Variants in GRIK4 observed in about 807,000 individuals in gnomAD.
GRIK4 encodes the protein glutamate receptor ionotropic, kainate 4.
A neutral mutation model predicts 104.9 loss-of-function variants in GRIK4; 40 were observed. That is an observed-to-expected ratio of 0.38 (90% confidence interval 0.30 to 0.50). The LOEUF is 0.50. Ranked by LOEUF, GRIK4 falls within the 20% of genes least tolerant of loss-of-function variation. The probability of loss-of-function intolerance (pLI) is 0.93; values close to 1 mark genes in which losing one functional copy is unlikely to be tolerated. For missense variants in GRIK4, 1,047 were observed against 1,308.1 expected, an observed-to-expected ratio of 0.80 and a Z score of 3.08; for synonymous variants, 485 against 524.9, an observed-to-expected ratio of 0.92 and a Z score of 1.04.
At chr11:120,692,333 G>C (rs759306475) in intron 3 of GRIK4, among the ~76,000 whole-genome samples, 1 of 152,204 alleles carries the variant, frequency 6.6e-6, no homozygotes, top group Non-Finnish European at 1.5e-5. Flanking sequence ...ACAGTTACTC[G>C]TTTAAAACCT....
At chr11:120,679,810 C>T (rs1227443061) in intron 3 of GRIK4, among the ~76,000 whole-genome samples, 4 of 152,192 alleles carry the variant, frequency 2.6e-5, no homozygotes, top group Non-Finnish European at 5.9e-5. Context: ...GCATGGGAAG[C>T]CTTCACAGGC....
chr11:120,959,094 T>A (rs1379920070), intron 16 of GRIK4, among the ~76,000 whole-genome samples: 1 of 152,208 alleles, frequency 6.6e-6, no homozygotes, highest in Non-Finnish European at 1.5e-5. Flanking sequence ...ATCCCTCTAG[T>A]CCTTTACAGA....
intron 3 of GRIK4, among the ~76,000 whole-genome samples, chr11:120,719,694 G>A (rs1950896547): frequency 6.6e-6 from 1 of 152,186 alleles, no homozygotes; most frequent in African/African-American, 2.4e-5. Flanking sequence ...CCACTGTAAA[G>A]AGGTATTTAA....
At chr11:120,612,614 T>C (rs747347134) in intron 1 of GRIK4, among the ~76,000 whole-genome samples, 2 of 152,190 alleles carry the variant, frequency 1.3e-5, no homozygotes, top group Admixed American at 6.5e-5. Context: ...CCATGACAGG[T>C]GGAAATCCAA....
At chr11:120,888,162 T>C (rs982034140) in intron 11 of GRIK4, among the ~76,000 whole-genome samples, 2 of 152,198 alleles carry the variant, frequency 1.3e-5, no homozygotes, top group African/African-American at 4.8e-5. Flanking sequence ...GGAACGCTTG[T>C]GGCAAATGCC....
At chr11:120,875,275 T>A in intron 11 of GRIK4, 32 bp downstream of exon 11, 1 of 1,305,016 alleles carries the variant, frequency 7.7e-7, no homozygotes, top group Non-Finnish European at 1.1e-6. Context: ...TGATGGCAGG[T>A]CCTCCTCTCT....
At position 120,838,567 on chromosome 11, in the gene GRIK4, T is replaced by C. The variant is rs150026298; in HGVS notation, c.744+1723T>C. Among the ~76,000 whole-genome samples the C allele has an allele frequency of 1.5e-3, 234 of 152,274 alleles. 1 individual carries two copies. Among genetic ancestry groups the C allele is most frequent in the African/African-American group, 5.5e-3 (228 of 41,544 alleles). On this transcript the variant is annotated intron_variant, in intron 8 of 20. Transcript: ENST00000527524. ...TGAAAAGTAACTGTATAAATGATGC[T>C]GGTTGAATAATAGTCAAGAAAACGA... is the stretch of plus-strand genomic sequence containing the variant.
intron 9 of GRIK4, chr11:120,872,009 C>T (rs986122146): frequency 1.4e-5 from 6 of 432,882 alleles, no homozygotes; most frequent in South Asian, 3.4e-5. Flanking sequence ...TAAGCCCATC[C>T]ACCCTGCCTG....
intron 3 of GRIK4, among the ~76,000 whole-genome samples, chr11:120,707,097 G>A (rs1430808425): frequency 2.0e-5 from 3 of 152,194 alleles, no homozygotes; most frequent in Non-Finnish European, 2.9e-5. Context: ...TGAATGAGCT[G>A]CCAGGACAGG....
chr11:120,724,950 G>A (rs190737655), intron 3 of GRIK4, among the ~76,000 whole-genome samples: 1 of 152,256 alleles, frequency 6.6e-6, no homozygotes, highest in African/African-American at 2.4e-5. Context: ...CTATATAAGG[G>A]TGCAAACATC....
intron 3 of GRIK4, among the ~76,000 whole-genome samples, chr11:120,740,268 G>T (rs565532844): frequency 6.6e-6 from 1 of 152,338 alleles, no homozygotes; most frequent in East Asian, 1.9e-4. Context: ...TTAGGCTGCT[G>T]GGAAAGTCAT....
chr11:120,952,764 C>A lies in GRIK4; in HGVS notation c.1591-91C>A. 1.2e-6 allele frequency: 1 copy of A among 846,048 alleles called. No individual in the cohort carries two copies. The highest frequency in any genetic ancestry group is 2.1e-6 in the Non-Finnish European group (1 of 484,478). 52.4% of individuals were successfully genotyped at this position (846,048 alleles called of 1,614,324 possible). On this transcript the variant is annotated intron_variant, in intron 14 of 20. Coordinates refer to ENST00000527524, the MANE Select transcript of GRIK4 (RefSeq NM_014619.5). This position sits in a 1 kb window ranked among gnomAD's most constrained non-coding sequence, Gnocchi z 5.2. ...GAAATGGGAACTGGGGCCAGACCCA[C>A]ACTCACTACCTCCTCTACCCCGCCC...
chr11:120,861,939 C>T lies in GRIK4; in HGVS notation c.745-20C>T. 6.2e-7 allele frequency: 1 copy of T among 1,600,424 alleles called. No individual in the cohort carries two copies. ...CCCCTTCCTAACTACATTCTTATTT[C>T]TGATGCTGGGTCTTTCCAGGAGTTC... On this transcript the variant is annotated intron_variant, in intron 8 of 20. Transcript: ENST00000527524.
chr11:120,971,313 C>A (rs957460662), intron 19 of GRIK4, among the ~76,000 whole-genome samples: 6 of 152,176 alleles, frequency 3.9e-5, no homozygotes, highest in Admixed American at 2.6e-4. Flanking sequence ...TGTCCCAATG[C>A]CCAGAACATC....
intron 3 of GRIK4, among the ~76,000 whole-genome samples, chr11:120,691,421 A>G (rs1464852471): frequency 6.6e-6 from 1 of 152,218 alleles, no homozygotes; most frequent in Non-Finnish European, 1.5e-5. Context: ...TCACAGAATC[A>G]TGTGAGATGT....
chr11:120,551,193 C>T (rs898990621), intron 1 of GRIK4, among the ~76,000 whole-genome samples: 6 of 152,086 alleles, frequency 3.9e-5, no homozygotes, highest in African/African-American at 1.2e-4. Flanking sequence ...GGGAAGTTAA[C>T]GAGTTCCTGT....
intron 3 of GRIK4, among the ~76,000 whole-genome samples, chr11:120,709,346 T>C (rs1224107317): frequency 6.6e-6 from 1 of 151,980 alleles, no homozygotes; most frequent in Non-Finnish European, 1.5e-5. Flanking sequence ...GTGTGTTGTG[T>C]TACATGTCGG....
intron 19 of GRIK4, among the ~76,000 whole-genome samples, chr11:120,968,647 GA>G (rs1944424063): frequency 6.6e-6 from 1 of 152,166 alleles, no homozygotes; most frequent in South Asian, 2.1e-4. Context: ...CAGAGGAACT[GA>G]GTGAGGCCAC....
intron 1 of GRIK4, chr11:120,620,211 G>C (rs1949169139): frequency 1.3e-6 from 1 of 785,346 alleles, no homozygotes. Flanking sequence ...ATATCAATTT[G>C]ACATACATGG....
Sources: gnomAD v4.1 joint callset for allele counts (sites outside exome capture counted in the v4.1 genomes callset) on GRCh38, gnomAD v4.1.1 for gene constraint, Gnocchi (gnomAD v3.1) non-coding constraint, MANE v1.5 for transcripts, NCBI Gene and HGNC (gene_info 2026-07-23, HGNC 2026-07-21) for gene names.